The following SMARCB1 variants were observed in gnomAD, a reference collection of about 807,000 sequenced individuals.
SMARCB1 encodes the protein SWI/SNF related BAF chromatin remodeling complex subunit B1, also known as SWI/SNF-related matrix-associated actin-dependent regulator of chromatin subfamily B member 1.
A neutral mutation model predicts 49.0 loss-of-function variants in SMARCB1; 5 were observed. The observed-to-expected ratio is 0.10, with a 90% CI of 0.05 to 0.21. The LOEUF is 0.21. Among genes scored for constraint, SMARCB1 ranks in the 10% least tolerant of loss-of-function variants. SMARCB1 has a pLI of 1.00. For missense variants in SMARCB1, 226 were observed against 509.2 expected, an observed-to-expected ratio of 0.44 and a Z score of 5.35; for synonymous variants, 201 against 200.1, an observed-to-expected ratio of 1.00 and a Z score of -0.04.
At chr22:23,822,265 C>G (rs1345610323) in intron 6 of SMARCB1, among the ~76,000 whole-genome samples, 1 of 152,214 alleles carries the variant, frequency 6.6e-6, no homozygotes, top group Non-Finnish European at 1.5e-5. Flanking sequence ...AAGCTGGGGA[C>G]ATGGTGCTGC....
At chr22:23,803,273 G>C (rs1481189025) in intron 4 of SMARCB1, 22 bp from the exon 5 acceptor site, 2 of 1,614,088 alleles carry the variant, frequency 1.2e-6, no homozygotes, top group East Asian at 4.5e-5. Context: ...CTCGCTGACT[G>C]TTGCTTCCAT....
At chr22:23,812,813 A>G (rs925428056) in intron 5 of SMARCB1, among the ~76,000 whole-genome samples, 1 of 152,012 alleles carries the variant, frequency 6.6e-6, no homozygotes, top group African/African-American at 2.4e-5. Flanking sequence ...ATAGCAGGAA[A>G]CTTCCTCCAT....
In SMARCB1 at chr22:23,834,505, CAATTTCTTCAACAGGTCAT is replaced by C. The variant is rs1339363175; in HGVS notation, c.*326_*344del. The C allele has an allele frequency of 1.2e-5, 6 of 507,390 alleles. No individual in the cohort carries two copies. In the African/African-American group the frequency reaches 1.3e-4, roughly 11 times the overall value. 31.4% of individuals were successfully genotyped at this position (507,390 alleles called of 1,614,324 possible). A position where few individuals can be genotyped will look rare whatever the true frequency, so the allele number is the denominator to read the frequency against. On this transcript the variant is annotated 3_prime_UTR_variant, in exon 9 of 9. Transcript: ENST00000644036. ...TAAATAAAAGGCAACAGGTCATGTT[CAATTTCTTCAACAGGTCAT>C]GTTCAATTTCTTCAAAGTTTTAACA...
chr22:23,837,769 C>G lies in SMARCB1; in HGVS notation c.*3589C>G. ...CAGGCCGAAGAAGTTGACCCTCACC[C>G]GAGGGCTGCGGCGGCTCCACACGTA... On this transcript the variant is annotated 3_prime_UTR_variant, in exon 9 of 9. Transcript: ENST00000644036. 2 of 1,613,986 alleles carry G rather than the reference C, an allele frequency of 1.2e-6. No homozygotes were observed. The highest frequency in any genetic ancestry group is 1.1e-5 in the South Asian group (1 of 91,084).
chr22:23,803,606 T>C (rs1473731113), intron 5 of SMARCB1, 184 bp downstream of exon 5: 2 of 742,620 alleles, frequency 2.7e-6, no homozygotes, highest in South Asian at 1.6e-5. Context: ...TCACTGTGGA[T>C]TGGGCCTGTG....
chr22:23,804,917 C>T (rs1929400543), intron 5 of SMARCB1, among the ~76,000 whole-genome samples: 1 of 152,226 alleles, frequency 6.6e-6, no homozygotes, highest in African/African-American at 2.4e-5. Context: ...CTAAAACTCC[C>T]CCTGCTGTAG....
chr22:23,829,205 TTCATGTGCATGACTA>T (rs1397384609), intron 7 of SMARCB1, among the ~76,000 whole-genome samples: 1 of 152,180 alleles, frequency 6.6e-6, no homozygotes, highest in African/African-American at 2.4e-5. Context: ...AGGAAACAGA[TTCATGTGCATGACTA>T]TCAGTGTGCC....
intron 2 of SMARCB1, chr22:23,793,141 C>T (rs1928506097): frequency 3.5e-6 from 1 of 283,422 alleles, no homozygotes; most frequent in Non-Finnish European, 7.0e-6. Flanking sequence ...CACCTTGCAT[C>T]GTGTTGTGGA....
At chr22:23,807,362 TC>T (rs34556611) in intron 5 of SMARCB1, among the ~76,000 whole-genome samples, 25,778 of 152,080 alleles carry the variant, frequency 0.17, 2,381 homozygotes, top group African/African-American at 0.24. Flanking sequence ...GGTGGGCAGA[TC>T]ACTTTACCCC....
chr22:23,826,404 G>A (rs2058878310), intron 7 of SMARCB1, among the ~76,000 whole-genome samples: 1 of 149,044 alleles, frequency 6.7e-6, no homozygotes, highest in Non-Finnish European at 1.5e-5. Flanking sequence ...CAGCCTGGGT[G>A]ACAGAGCGAG....
Position 23,836,634 on chromosome 22 carries a change from C to G in SMARCB1, c.*2454C>G. 1.6e-6 allele frequency: 2 copies of G among 1,240,000 alleles called. No homozygotes were observed. Among genetic ancestry groups the G allele is most frequent in the Non-Finnish European group, 2.0e-6 (2 of 995,174 alleles). The allele number at this position is 1,240,000 out of a possible 1,614,324, so 76.8% of individuals were successfully genotyped here. On this transcript the variant is annotated 3_prime_UTR_variant, in exon 9 of 9. Transcript: ENST00000644036. ...CTCTGTGGGCACCCCTATCCTACCA[C>G]CTGCAGTTGGGCTGAGAGGCCACAC...
intron 1 of SMARCB1, among the ~76,000 whole-genome samples, chr22:23,787,884 C>G (rs1601383940): frequency 1.3e-5 from 2 of 152,338 alleles, no homozygotes; most frequent in Non-Finnish European, 2.9e-5. Flanking sequence ...CTTTCCATAT[C>G]TGTGAACTGA....
At chr22:23,787,696 A>G (rs1406624423) in intron 1 of SMARCB1, among the ~76,000 whole-genome samples, 1 of 151,738 alleles carries the variant, frequency 6.6e-6, no homozygotes, top group South Asian at 2.1e-4. Flanking sequence ...CAGGCTGGAA[A>G]CCCTGGACTT....
At chr22:23,820,103 C>T (rs1481480952) in intron 6 of SMARCB1, among the ~76,000 whole-genome samples, 6 of 152,020 alleles carry the variant, frequency 3.9e-5, no homozygotes, top group East Asian at 3.9e-4. Context: ...GGATTATAGA[C>T]GTGAGCCACT....
chr22:23,832,224 A>T (rs1271332085), intron 7 of SMARCB1, among the ~76,000 whole-genome samples: 1 of 151,930 alleles, frequency 6.6e-6, no homozygotes, highest in African/African-American at 2.4e-5. Flanking sequence ...GCCACCCACT[A>T]CAGGGAGGCT....
Position 23,801,044 on chromosome 22 carries a change from C to A in SMARCB1, c.463C>A (p.Arg155Ser), listed in dbSNP as rs1458920579. The A allele has an allele frequency of 6.2e-7, 1 of 1,614,170 alleles. No individual in the cohort carries two copies. Among genetic ancestry groups the A allele is most frequent in the Non-Finnish European group, 8.5e-7 (1 of 1,180,000 alleles). Residue 155 changes from arginine to serine, a missense_variant, in exon 4 of 9, where the codon CGC (arginine) becomes AGC (serine). By Grantham distance (110) the Arg-to-Ser change is moderately radical. Transcript: ENST00000644036. ...ATGCTCCACAACCATCAACAGGAAC[C>A]GCATGGGCCGAGACAAGAAGAGAAC... ...VPCSTTINRN[R>S]MGRDKKRTFP...
At chr22:23,794,984 C>T (rs1196087437) in intron 3 of SMARCB1, among the ~76,000 whole-genome samples, 4 of 152,014 alleles carry the variant, frequency 2.6e-5, no homozygotes, top group Non-Finnish European at 5.9e-5. Flanking sequence ...TGGGAAGTTA[C>T]GATGTTGTAT....
intron 7 of SMARCB1, among the ~76,000 whole-genome samples, chr22:23,828,122 G>T (rs766901964): frequency 6.6e-6 from 1 of 152,096 alleles, no homozygotes; most frequent in Non-Finnish European, 1.5e-5. Flanking sequence ...GCGTGATCTC[G>T]GCTCACTGCA....
At chr22:23,821,726 C>G (rs912708654) in intron 6 of SMARCB1, among the ~76,000 whole-genome samples, 5 of 151,994 alleles carry the variant, frequency 3.3e-5, no homozygotes, top group African/African-American at 1.2e-4. Flanking sequence ...TGGCACGTTC[C>G]TGTAATCCCA....
Sources: gnomAD v4.1 joint callset for allele counts (sites outside exome capture counted in the v4.1 genomes callset) on GRCh38, gnomAD v4.1.1 for gene constraint, MANE v1.5 for transcripts, NCBI Gene and HGNC (gene_info 2026-07-23, HGNC 2026-07-21) for gene names.